SIM1: variants seen among roughly 807,000 people sequenced by gnomAD.
SIM1 encodes SIM bHLH transcription factor 1.
Under a neutral mutation model 78.2 loss-of-function variants are expected in SIM1, and 18 were observed. That is an observed-to-expected ratio of 0.23 (90% CI 0.16 to 0.34). The LOEUF is 0.34. Ranked by LOEUF, SIM1 falls within the 10% of genes least tolerant of loss-of-function variation. The pLI, the probability that SIM1 is intolerant of heterozygous loss-of-function variation, is 1.00. For synonymous variants in SIM1, 417 were observed against 385.2 expected (o/e 1.08, Z -0.97); for missense variants, 939 against 975.1 (o/e 0.96, Z 0.49).
At chr6:100,461,422 G>A (rs575196669) in intron 2 of SIM1, among the ~76,000 whole-genome samples, 1 of 152,196 alleles carries the variant, frequency 6.6e-6, no homozygotes, top group Non-Finnish European at 1.5e-5. Context: ...TCTCCCGGCC[G>A]GCTCGGTGCC....
intron 3 of SIM1, among the ~76,000 whole-genome samples, chr6:100,452,523 G>A (rs181835315): frequency 2.0e-5 from 3 of 152,336 alleles, no homozygotes; most frequent in Admixed American, 2.0e-4. Context: ...ATGCCAGACT[G>A]CAGGGATGAG....
chr6:100,391,221 C>G, intron 11 of SIM1, 130 bp from the exon 12 acceptor site: 1 of 1,010,500 alleles, frequency 9.9e-7, no homozygotes, highest in South Asian at 1.9e-5. Flanking sequence ...TTGAAACAGG[C>G]TCACATGATG....
At chr6:100,426,211 C>T (rs953305735) in intron 9 of SIM1, among the ~76,000 whole-genome samples, 2 of 152,308 alleles carry the variant, frequency 1.3e-5, no homozygotes, top group African/African-American at 4.8e-5. Flanking sequence ...AATTTGCAAT[C>T]ACTAGGAATT....
rs574199649 is a variant in SIM1, at chr6:100,392,007, T to C, written c.1571-916A>G. The stretch of plus-strand genomic sequence containing the variant: ...GGCCAACATTGTGAAGCCCCGTCTC[T>C]ACTAAAAAATACAAAAATTAGCTGG... On this transcript the variant is annotated intron_variant, in intron 11 of 11. Coordinates refer to ENST00000369208, the MANE Select transcript of SIM1 (RefSeq NM_005068.3). Among the ~76,000 whole-genome samples, 250 of 152,228 alleles carry C rather than the reference T, an allele frequency of 1.6e-3. 4 individuals carry two copies. The highest frequency in any genetic ancestry group is 3.0e-3 in the Admixed American group (46 of 15,298).
At chr6:100,442,527 T>C (rs1772243404) in intron 9 of SIM1, among the ~76,000 whole-genome samples, 1 of 152,142 alleles carries the variant, frequency 6.6e-6, no homozygotes, top group Non-Finnish European at 1.5e-5. Context: ...TATACATTAG[T>C]GCATGATTAT....
At chr6:100,440,504 A>G (rs1772183493) in intron 9 of SIM1, among the ~76,000 whole-genome samples, 1 of 152,198 alleles carries the variant, frequency 6.6e-6, no homozygotes, top group African/African-American at 2.4e-5. Context: ...TTTCAGTTCC[A>G]TGATCACCAA....
chr6:100,449,522 G>T, intron 5 of SIM1, 69 bp downstream of exon 5: 3 of 1,579,682 alleles, frequency 1.9e-6, no homozygotes, highest in Admixed American at 1.7e-5. Flanking sequence ...TCTCTGCCAC[G>T]ACTAATTGGG....
chr6:100,421,463 C>G (rs117244754), intron 9 of SIM1, among the ~76,000 whole-genome samples: 2,643 of 152,268 alleles, frequency 0.017, 30 homozygotes, highest in Non-Finnish European at 0.023. Flanking sequence ...CCTTTAGGTA[C>G]ATTTTACCAC....
intron 2 of SIM1, among the ~76,000 whole-genome samples, chr6:100,460,972 T>C (rs1772824287): frequency 6.6e-6 from 1 of 151,804 alleles, no homozygotes; most frequent in Admixed American, 6.6e-5. Context: ...AGCTCAACAG[T>C]AGCTAGAGAA....
chr6:100,426,053 A>G (rs768308104), intron 9 of SIM1, among the ~76,000 whole-genome samples: 2 of 152,256 alleles, frequency 1.3e-5, no homozygotes, highest in Non-Finnish European at 2.9e-5. Context: ...CATGATTGGC[A>G]TATGGAAAGG....
At chr6:100,461,613 C>T (rs938762520) in intron 2 of SIM1, among the ~76,000 whole-genome samples, 1 of 152,186 alleles carries the variant, frequency 6.6e-6, no homozygotes, top group African/African-American at 2.4e-5. Flanking sequence ...CAAATCACTG[C>T]TAATAATCCT....
intron 2 of SIM1, among the ~76,000 whole-genome samples, chr6:100,458,678 C>A (rs1009886570): frequency 6.6e-6 from 1 of 152,224 alleles, no homozygotes; most frequent in African/African-American, 2.4e-5. Flanking sequence ...CCGCGCAGAC[C>A]TGGCTGACTG....
chr6:100,462,400 A>G (rs911819018), intron 2 of SIM1, among the ~76,000 whole-genome samples: 3 of 152,256 alleles, frequency 2.0e-5, no homozygotes, highest in African/African-American at 7.2e-5. Flanking sequence ...ATGGACAAAT[A>G]GAAAAGTGTC....
At chr6:100,437,042 AC>A (rs1353389139) in intron 9 of SIM1, among the ~76,000 whole-genome samples, 1 of 151,940 alleles carries the variant, frequency 6.6e-6, no homozygotes, top group Non-Finnish European at 1.5e-5. Flanking sequence ...GGCCCATTTT[AC>A]AGATTTTTTA....
intron 2 of SIM1, among the ~76,000 whole-genome samples, chr6:100,457,700 A>C (rs1407818249): frequency 6.6e-6 from 1 of 152,210 alleles, no homozygotes; most frequent in Non-Finnish European, 1.5e-5. Flanking sequence ...CACTGGTAGG[A>C]GGTCCCTTCA....
intron 3 of SIM1, among the ~76,000 whole-genome samples, 186 bp downstream of exon 3, chr6:100,453,576 T>C (rs926702372): frequency 1.3e-5 from 2 of 152,030 alleles, no homozygotes; most frequent in African/African-American, 2.4e-5. Context: ...CTGCAAAAGC[T>C]AAAATTTTAC....
chr6:100,455,387 C>T (rs540598051), intron 2 of SIM1, among the ~76,000 whole-genome samples: 54 of 152,284 alleles, frequency 3.5e-4, no homozygotes, highest in African/African-American at 1.3e-3. Context: ...TGGGGTCCTC[C>T]TGGACCGTTC....
chr6:100,452,695 G>T (rs1772544679), intron 3 of SIM1, among the ~76,000 whole-genome samples: 1 of 152,118 alleles, frequency 6.6e-6, no homozygotes, highest in African/African-American at 2.4e-5. Flanking sequence ...AAATTAGTTG[G>T]GAATATGAAA....
chr6:100,457,561 G>A (rs1360566588), intron 2 of SIM1, among the ~76,000 whole-genome samples: 1 of 152,228 alleles, frequency 6.6e-6, no homozygotes, highest in Non-Finnish European at 1.5e-5. Flanking sequence ...TACTGTGCAA[G>A]TCTTCCCCGG....
Sources: allele counts gnomAD v4.1 joint callset (sites outside exome capture counted in the v4.1 genomes callset), GRCh38; gene constraint gnomAD v4.1.1; transcripts MANE v1.5; gene names NCBI Gene and HGNC (gene_info 2026-07-23, HGNC 2026-07-21).